SIPA1L3: variants seen among roughly 807,000 people sequenced by gnomAD.
SIPA1L3 encodes signal-induced proliferation-associated 1-like protein 3.
SIPA1L3 carries 59 observed loss-of-function variants against 150.1 expected under a neutral mutation model. That is an observed-to-expected ratio of 0.39 (90% CI 0.32 to 0.49). The LOEUF is 0.49. Among genes scored for constraint, SIPA1L3 ranks in the 20% least tolerant of loss-of-function variants. The probability of loss-of-function intolerance (pLI) is 0.86; values close to 1 mark genes in which losing one functional copy is unlikely to be tolerated. For synonymous variants in SIPA1L3, 1,070 were observed against 1,077.6 expected, an observed-to-expected ratio of 0.99 and a Z score of 0.14; for missense variants, 2,211 against 2,489.5, an observed-to-expected ratio of 0.89 and a Z score of 2.38.
At chr19:38,015,258 C>G (rs1289658439) in intron 1 of SIPA1L3, among the ~76,000 whole-genome samples, 7 of 152,304 alleles carry the variant, frequency 4.6e-5, no homozygotes, top group African/African-American at 1.7e-4. Context: ...CCAACTTAAA[C>G]TGTTTTCATT....
At chr19:38,200,089 AT>A (rs1568608322) in intron 19 of SIPA1L3, 1 of 151,994 alleles carries the variant, frequency 6.6e-6, no homozygotes, top group African/African-American at 2.4e-5. Context: ...TTACTTATTT[AT>A]TTTTTAGAGT....
At chr19:37,963,238 C>T (rs1315633485) in intron 1 of SIPA1L3, among the ~76,000 whole-genome samples, 1 of 152,196 alleles carries the variant, frequency 6.6e-6, no homozygotes, top group Non-Finnish European at 1.5e-5. Flanking sequence ...ACTCTCAAGG[C>T]CTCATGTTGG....
chr19:38,030,650 ATG>A (rs1555778708), intron 2 of SIPA1L3, among the ~76,000 whole-genome samples: 8 of 76,378 alleles, frequency 1.0e-4, no homozygotes, highest in East Asian at 3.5e-4. Context: ...ATATATATAT[ATG>A]GCAAATACTT....
chr19:38,171,790 G>A (rs916473946), intron 15 of SIPA1L3, among the ~76,000 whole-genome samples: 1 of 152,042 alleles, frequency 6.6e-6, no homozygotes, highest in African/African-American at 2.4e-5. Flanking sequence ...CTGGAAGTTC[G>A]AGACAGCAGT....
At chr19:38,039,389 G>T (rs1231886091) in intron 2 of SIPA1L3, among the ~76,000 whole-genome samples, 12 of 151,240 alleles carry the variant, frequency 7.9e-5, no homozygotes, top group Non-Finnish European at 1.0e-4. Flanking sequence ...TTGCCAGCGG[G>T]GGGTGGGGGT....
At position 37,971,935 on chromosome 19, in the gene SIPA1L3, A is replaced by G. The variant is rs576318567; in HGVS notation, c.-378-57154A>G. Among the ~76,000 whole-genome samples, 7 of 152,226 alleles carry G rather than the reference A, an allele frequency of 4.6e-5. No homozygotes were observed. In the East Asian group the frequency reaches 1.3e-3, roughly 29 times the overall value. ...AGTACTTCATTCCTTTTTGGGTTGG[A>G]TAATATTCTGTTGTACAGATAGACC... On this transcript the variant is annotated intron_variant, in intron 1 of 21. Coordinates refer to ENST00000222345, the MANE Select transcript of SIPA1L3 (RefSeq NM_015073.3).
intron 1 of SIPA1L3, among the ~76,000 whole-genome samples, chr19:37,965,787 A>G (rs1423975930): frequency 6.6e-6 from 1 of 151,064 alleles, no homozygotes; most frequent in African/African-American, 2.4e-5. Context: ...GTATCATCAA[A>G]TGGTGTTGGG....
chr19:38,082,148 G>A lies in SIPA1L3; in HGVS notation c.583G>A (p.Ala195Thr), dbSNP rs909434709. The change falls in exon 3 of 22, where the codon GCG (alanine) becomes ACG (threonine). Residue 195 changes from alanine (A) to threonine (T), a missense_variant. Ala to Thr is a moderately conservative substitution (Grantham distance 58). Coordinates refer to ENST00000222345, the MANE Select transcript of SIPA1L3 (RefSeq NM_015073.3). ...GCCGCGGGGGGCCCGGCACACGGGG[G>A]CGCTGCCCCTCTTCCGCGAGTACGG... ...GEPRGARHTG[A>T]LPLFREYGST... 1.2e-6 allele frequency: 2 copies of A among 1,605,956 alleles called. No homozygotes were observed. The highest frequency in any genetic ancestry group is 1.3e-5 in the African/African-American group (1 of 74,924).
chr19:38,194,664 G>A (rs1972881251), intron 18 of SIPA1L3, among the ~76,000 whole-genome samples: 1 of 152,240 alleles, frequency 6.6e-6, no homozygotes, highest in African/African-American at 2.4e-5. Context: ...GTGCCTGCCT[G>A]TGCCATCTGT....
intron 1 of SIPA1L3, among the ~76,000 whole-genome samples, chr19:37,949,863 G>A (rs970615734): frequency 2.0e-5 from 3 of 152,080 alleles, no homozygotes; most frequent in Non-Finnish European, 2.9e-5. Flanking sequence ...CGGATCACAA[G>A]GTCAAGAGAT....
intron 1 of SIPA1L3, among the ~76,000 whole-genome samples, chr19:37,913,862 A>G (rs2046395094): frequency 6.6e-6 from 1 of 151,706 alleles, no homozygotes; most frequent in African/African-American, 2.4e-5. Flanking sequence ...TAAAAATACA[A>G]AAATTAGCCA....
intron 1 of SIPA1L3, among the ~76,000 whole-genome samples, chr19:38,023,505 G>T (rs1371013617): frequency 6.6e-6 from 1 of 152,222 alleles, no homozygotes; most frequent in Non-Finnish European, 1.5e-5. Flanking sequence ...TTGTTGGGAT[G>T]TAGGCTAGAG....
intron 8 of SIPA1L3, among the ~76,000 whole-genome samples, chr19:38,112,041 C>T (rs1015200052): frequency 1.4e-5 from 2 of 144,380 alleles, no homozygotes; most frequent in African/African-American, 2.6e-5. Context: ...ACACACCATG[C>T]GTCCACACAT....
At chr19:37,987,010 C>T (rs1474550653) in intron 1 of SIPA1L3, among the ~76,000 whole-genome samples, 1 of 152,138 alleles carries the variant, frequency 6.6e-6, no homozygotes. Context: ...TCACTGCAAC[C>T]TTTGCCTCCC....
intron 10 of SIPA1L3, 43 bp from the exon 11 acceptor site, chr19:38,141,141 G>T: frequency 6.6e-7 from 1 of 1,523,308 alleles, no homozygotes. Context: ...CCCACGTGTT[G>T]GTGGGCTGGG....
intron 1 of SIPA1L3, among the ~76,000 whole-genome samples, chr19:37,976,702 T>TATAA (rs1967084804): frequency 6.6e-6 from 1 of 152,190 alleles, no homozygotes; most frequent in Non-Finnish European, 1.5e-5. Context: ...AAGATGGGAA[T>TATAA]GAGAACCGGA....
In SIPA1L3 at chr19:38,208,284, A is replaced by G. The variant is rs1208899659; in HGVS notation, c.*2044A>G. 1.6e-5 allele frequency: 2 copies of G among 126,186 alleles called. No homozygotes were observed. Among genetic ancestry groups the G allele is most frequent in the African/African-American group, 3.0e-5 (1 of 33,242 alleles). 7.8% of individuals were successfully genotyped at this position (126,186 alleles called of 1,614,324 possible). The stretch of plus-strand genomic sequence containing the variant: ...TTGGATTTTTTTTTTATTATTCTTT[A>G]TTGTCTTTTTTTTTTCCCCATCCCT... On this transcript the variant is annotated 3_prime_UTR_variant, in exon 22 of 22. Transcript: ENST00000222345.
intron 1 of SIPA1L3, among the ~76,000 whole-genome samples, chr19:37,922,364 A>G (rs149363328): frequency 1.3e-5 from 2 of 152,024 alleles, no homozygotes; most frequent in Non-Finnish European, 2.9e-5. Context: ...CTAGGATTAC[A>G]GGTGTGAGTC....
intron 13 of SIPA1L3, among the ~76,000 whole-genome samples, chr19:38,160,400 G>C (rs1462797136): frequency 6.7e-6 from 1 of 148,628 alleles, no homozygotes; most frequent in Admixed American, 6.8e-5. Context: ...CAGAGCAGCT[G>C]CTACTCTTTT....
Sources: allele counts gnomAD v4.1 joint callset (sites outside exome capture counted in the v4.1 genomes callset), GRCh38; gene constraint gnomAD v4.1.1; transcripts MANE v1.5; gene names NCBI Gene and HGNC (gene_info 2026-07-23, HGNC 2026-07-21).